INPP5A: variants seen among roughly 807,000 people sequenced by gnomAD.
INPP5A encodes inositol polyphosphate-5-phosphatase A.
A neutral mutation model predicts 65.2 loss-of-function variants in INPP5A; 14 were observed. That is an observed-to-expected ratio of 0.21 (90% CI 0.14 to 0.34). The LOEUF is 0.34. Ranked by LOEUF, INPP5A falls within the 10% of genes least tolerant of loss-of-function variation. The pLI, the probability that INPP5A is intolerant of heterozygous loss-of-function variation, is 1.00. For synonymous variants in INPP5A, 207 were observed against 208.3 expected (o/e 0.99, Z 0.05); for missense variants, 431 against 545.6 (o/e 0.79, Z 2.09).
intron 1 of INPP5A, among the ~76,000 whole-genome samples, chr10:132,554,383 G>A (rs1282729897): frequency 6.6e-6 from 1 of 152,180 alleles, no homozygotes; most frequent in Non-Finnish European, 1.5e-5. Context: ...GGACACCGCA[G>A]AGGGTCTCCT....
At chr10:132,563,751 CA>C (rs2071236538) in intron 1 of INPP5A, among the ~76,000 whole-genome samples, 1 of 152,206 alleles carries the variant, frequency 6.6e-6, no homozygotes, top group South Asian at 2.1e-4. Context: ...CCCCGACAAG[CA>C]AATTGGTTGT....
chr10:132,650,817 G>A lies in INPP5A; in HGVS notation c.306+312G>A, dbSNP rs540866110. 3.9e-5 allele frequency among the ~76,000 whole-genome samples: 6 copies of A among 152,264 alleles called. No individual in the cohort carries two copies. Among genetic ancestry groups the A allele is most frequent in the African/African-American group, 1.2e-4 (5 of 41,538 alleles). ...CGTGCATGAAAATAAGAGGGAGTCC[G>A]GGGCTCCAGGCGTGTAGATGAGAGG... On this transcript the variant is annotated intron_variant, in intron 4 of 15. Transcript: ENST00000368594. The surrounding 1 kb of genome is among the most constrained non-coding windows in gnomAD (Gnocchi z 5.5).
intron 8 of INPP5A, among the ~76,000 whole-genome samples, chr10:132,719,709 C>T (rs931061408): frequency 6.6e-6 from 1 of 150,562 alleles, no homozygotes; most frequent in East Asian, 2.0e-4. Context: ...TACCTGGGTT[C>T]TGTCTGGGCG....
chr10:132,756,166 G>GT (rs1194515342), intron 11 of INPP5A, among the ~76,000 whole-genome samples: 2 of 151,528 alleles, frequency 1.3e-5, no homozygotes, highest in African/African-American at 4.8e-5. Flanking sequence ...AAGCAAGTGT[G>GT]GGGGGGGAGT....
intron 9 of INPP5A, among the ~76,000 whole-genome samples, chr10:132,743,801 C>T (rs1166987172): frequency 6.6e-6 from 1 of 152,178 alleles, no homozygotes; most frequent in African/African-American, 2.4e-5. Context: ...GTGATGAGGA[C>T]TGGGGTGCAC....
At chr10:132,677,082 G>A (rs867232373) in intron 4 of INPP5A, among the ~76,000 whole-genome samples, 12 of 150,310 alleles carry the variant, frequency 8.0e-5, no homozygotes, top group African/African-American at 2.7e-4. Context: ...AGACCCACAG[G>A]TATTCACATG....
rs12772252 is a variant in INPP5A, at chr10:132,678,589, G to C, written c.307-11803G>C. On this transcript the variant is annotated intron_variant, in intron 4 of 15. Coordinates refer to ENST00000368594, the MANE Select transcript of INPP5A (RefSeq NM_005539.5). The surrounding 1 kb of genome is among the most constrained non-coding windows in gnomAD (Gnocchi z 4.1). ...CTGCTGCTGCTCAGCCGGGCGCCCA[G>C]AGGGTGTGGTGCCTCTCTCATTGCC... Among the ~76,000 whole-genome samples the C allele has an allele frequency of 2.0e-5, 3 of 152,192 alleles. No homozygotes were observed. The highest frequency in any genetic ancestry group is 7.2e-5 in the African/African-American group (3 of 41,450).
chr10:132,580,388 C>T (rs546479044), intron 1 of INPP5A, among the ~76,000 whole-genome samples: 31 of 152,284 alleles, frequency 2.0e-4, no homozygotes, highest in Non-Finnish European at 4.0e-4. Context: ...CATGGTAAGG[C>T]GTGCTTTCTT....
chr10:132,611,333 G>C (rs2133346264), intron 2 of INPP5A, among the ~76,000 whole-genome samples: 1 of 142,942 alleles, frequency 7.0e-6, no homozygotes, highest in Non-Finnish European at 1.5e-5. Flanking sequence ...TGAGGGAGGT[G>C]AGGTGGGCAG....
At chr10:132,745,217 C>T (rs1590977053) in intron 9 of INPP5A, among the ~76,000 whole-genome samples, 1 of 152,168 alleles carries the variant, frequency 6.6e-6, no homozygotes, top group East Asian at 1.9e-4. Context: ...TCCTCCATCC[C>T]CTCGCGAGCT....
At position 132,749,820 on chromosome 10, in the gene INPP5A, T is replaced by G. The variant is rs1314409989; in HGVS notation, c.878T>G (p.Val293Gly). ...KKLFDYFNQEVFRDNNGTALL... is the reference protein window; with the variant it reads ...KKLFDYFNQEGFRDNNGTALL... Reference sequence around the variant, plus strand: ...CTCTTCGACTACTTCAACCAGGAGGTTTTCCGAGACAACAACGGCACCGCG... The same window carrying G: ...CTCTTCGACTACTTCAACCAGGAGGGTTTCCGAGACAACAACGGCACCGCG... Residue 293 changes from valine (V) to glycine (G), a missense_variant, in exon 11 of 16, where the codon GTT becomes GGT. By Grantham distance (109) the Val-to-Gly change is moderately radical. Coordinates refer to ENST00000368594, the MANE Select transcript of INPP5A (RefSeq NM_005539.5). 10 of 1,612,592 alleles carry G rather than the reference T, an allele frequency of 6.2e-6. No individual in the cohort carries two copies. Among genetic ancestry groups the G allele is most frequent in the Non-Finnish European group, 8.5e-6 (10 of 1,179,878 alleles).
At chr10:132,560,397 C>T (rs1363666569) in intron 1 of INPP5A, among the ~76,000 whole-genome samples, 1 of 152,234 alleles carries the variant, frequency 6.6e-6, no homozygotes, top group Non-Finnish European at 1.5e-5. Context: ...TGTCTGAGGG[C>T]TGCAGACTTC....
intron 1 of INPP5A, among the ~76,000 whole-genome samples, chr10:132,556,343 A>G (rs1000695537): frequency 3.3e-5 from 5 of 152,054 alleles, no homozygotes; most frequent in African/African-American, 7.2e-5. Flanking sequence ...CGGCTGTCAC[A>G]TGGGCTGATG....
chr10:132,723,602 T>TGGCCGTGTGGGGATTGGCCG (rs1564984494), intron 8 of INPP5A, among the ~76,000 whole-genome samples: 2 of 58,154 alleles, frequency 3.4e-5, no homozygotes, highest in African/African-American at 1.9e-4. Flanking sequence ...GGGATTGGTT[T>TGGCCGTGTGGGGATTGGCCG]TGTGGGGATT....
chr10:132,588,773 G>T (rs1284463908), intron 1 of INPP5A, among the ~76,000 whole-genome samples: 1 of 152,216 alleles, frequency 6.6e-6, no homozygotes, highest in East Asian at 1.9e-4. Flanking sequence ...GGTGGTTGCC[G>T]TTTCTTGGAG....
chr10:132,688,905 C>T (rs190099376), intron 4 of INPP5A, among the ~76,000 whole-genome samples: 2 of 149,098 alleles, frequency 1.3e-5, no homozygotes, highest in African/African-American at 2.5e-5. Context: ...AGAGCAAGCA[C>T]GTGAGTGTGC....
At chr10:132,606,696 C>T (rs1038796838) in intron 1 of INPP5A, among the ~76,000 whole-genome samples, 3 of 152,246 alleles carry the variant, frequency 2.0e-5, no homozygotes, top group South Asian at 2.1e-4. Context: ...GTTGTGTTTG[C>T]GTGGGCGCGG....
chr10:132,646,195 A>G (rs760812211), intron 3 of INPP5A, among the ~76,000 whole-genome samples: 23 of 152,280 alleles, frequency 1.5e-4, no homozygotes, highest in Non-Finnish European at 2.8e-4. Context: ...TGCTGCCTCC[A>G]CACGGCGAGG....
At chr10:132,638,179 T>C (rs2072381418) in intron 2 of INPP5A, among the ~76,000 whole-genome samples, 1 of 152,244 alleles carries the variant, frequency 6.6e-6, no homozygotes. Flanking sequence ...TACTTCTCTC[T>C]CTTTTTAGAA....
Sources: allele counts gnomAD v4.1 joint callset (sites outside exome capture counted in the v4.1 genomes callset), GRCh38; gene constraint gnomAD v4.1.1; non-coding constraint Gnocchi (gnomAD v3.1); transcripts MANE v1.5; gene names NCBI Gene and HGNC (gene_info 2026-07-23, HGNC 2026-07-21).